The following ADAM32 variants were observed in gnomAD, a reference collection of about 807,000 sequenced individuals.
ADAM32 encodes ADAM metallopeptidase domain 32.
In ADAM32, 89 loss-of-function variants were observed where a neutral mutation model predicts 114.9. That is an observed-to-expected ratio of 0.77 (90% CI 0.65 to 0.92). The LOEUF is 0.92. Among genes scored for constraint, ADAM32 ranks in the 40% least tolerant of loss-of-function variants. ADAM32 has a pLI of 0.00. For missense variants in ADAM32, 870 were observed against 932.8 expected (o/e 0.93, Z 0.88); for synonymous variants, 285 against 307.5 (o/e 0.93, Z 0.77).
chr8:39,108,865 T>G (rs1840036170), intron 1 of ADAM32, among the ~76,000 whole-genome samples: 1 of 152,136 alleles, frequency 6.6e-6, no homozygotes, highest in African/African-American at 2.4e-5. Context: ...ACCTTCTCCC[T>G]GCGTACTCAC....
At chr8:39,130,537 C>G (rs2129444795) in intron 2 of ADAM32, among the ~76,000 whole-genome samples, 1 of 152,150 alleles carries the variant, frequency 6.6e-6, no homozygotes, top group South Asian at 2.1e-4. Context: ...TACCTAAAGC[C>G]ACACATTTCT....
intron 3 of ADAM32, among the ~76,000 whole-genome samples, chr8:39,138,525 A>G (rs1802947378): frequency 6.6e-6 from 1 of 152,212 alleles, no homozygotes; most frequent in Non-Finnish European, 1.5e-5. Flanking sequence ...ATGGCTGCAT[A>G]GTATTCCATG....
At chr8:39,124,429 T>A (rs200533553) in intron 2 of ADAM32, among the ~76,000 whole-genome samples, 1 of 120,016 alleles carries the variant, frequency 8.3e-6, no homozygotes, top group Non-Finnish European at 1.8e-5. Context: ...TTTTTTTTTT[T>A]ATTTTTGAGA....
Position 39,246,125 on chromosome 8 carries a change from G to T in ADAM32, c.1861G>T (p.Ala621Ser), listed in dbSNP as rs762334521. The T allele has an allele frequency of 5.0e-6, 8 of 1,613,466 alleles. No homozygotes were observed. In the African/African-American group the frequency reaches 6.7e-5, roughly 13 times the overall value. Residue 621 changes from alanine to serine, a missense_variant, in exon 17 of 25, where the codon GCT (alanine) becomes TCT (serine). Physicochemically the swap from Ala to Ser is moderately conservative, Grantham distance 99. Coordinates refer to ENST00000379907, the MANE Select transcript of ADAM32 (RefSeq NM_145004.7). ...RECVESRIIK[A>S]SAHVCSQQCS... Reference sequence around the variant, plus strand: ...ATGTGTAGAATCAAGGATAATTAAGGCTTCAGCACATGTTTGTTCACAACA... The same window carrying T: ...ATGTGTAGAATCAAGGATAATTAAGTCTTCAGCACATGTTTGTTCACAACA...
chr8:39,121,295 A>T (rs1007766893), intron 2 of ADAM32, among the ~76,000 whole-genome samples: 1 of 152,178 alleles, frequency 6.6e-6, no homozygotes, highest in Non-Finnish European at 1.5e-5. Context: ...AGGCTGTTTA[A>T]CTTCTGGGAT....
Position 39,167,556 on chromosome 8 carries a change from A to T in ADAM32, c.833+2360A>T, listed in dbSNP as rs1013038289. The T allele has an allele frequency of 3.3e-5, 5 of 151,466 alleles. 1 individual carries two copies. The highest frequency in any genetic ancestry group is 2.6e-4 in the Admixed American group (4 of 15,198). 9.4% of individuals were successfully genotyped at this position (151,466 alleles called of 1,614,324 possible). The stretch of plus-strand genomic sequence containing the variant: ...TTTTAGGTTCCATATGAATTTTAGA[A>T]TTTTTTTTCTAATTCTGTGAAGAAT... On this transcript the variant is annotated intron_variant, in intron 9 of 24. Transcript: ENST00000379907.
intron 2 of ADAM32, among the ~76,000 whole-genome samples, chr8:39,120,403 T>G (rs1362059526): frequency 6.6e-6 from 1 of 152,116 alleles, no homozygotes; most frequent in African/African-American, 2.4e-5. Context: ...GAGAAAGCTT[T>G]TATCGTCTTA....
chr8:39,154,191 C>T (rs1332949188), intron 6 of ADAM32, among the ~76,000 whole-genome samples: 1 of 151,884 alleles, frequency 6.6e-6, no homozygotes, highest in Non-Finnish European at 1.5e-5. Context: ...CCTCCCCTAC[C>T]CCCCATCTCC....
At chr8:39,107,943 T>A (rs1839995390) in intron 1 of ADAM32, 110 bp downstream of exon 1, 1 of 1,361,726 alleles carries the variant, frequency 7.3e-7, no homozygotes, top group Admixed American at 3.2e-5. Context: ...CCTGTCACCC[T>A]GGCAACGGGG....
At chr8:39,181,147 C>T (rs962277422) in intron 10 of ADAM32, among the ~76,000 whole-genome samples, 4 of 152,242 alleles carry the variant, frequency 2.6e-5, no homozygotes, top group Non-Finnish European at 4.4e-5. Context: ...CTTTTCCACA[C>T]TGTGGAAGCT....
intron 16 of ADAM32, among the ~76,000 whole-genome samples, chr8:39,243,314 A>G (rs1257242432): frequency 6.6e-6 from 1 of 152,192 alleles, no homozygotes. Context: ...TATCAAAACC[A>G]GGAAACGAAA....
At chr8:39,226,034 A>G (rs1467110796) in intron 14 of ADAM32, among the ~76,000 whole-genome samples, 1 of 152,200 alleles carries the variant, frequency 6.6e-6, no homozygotes, top group African/African-American at 2.4e-5. Context: ...ACACAGAGAA[A>G]CAACATACAT....
intron 15 of ADAM32, among the ~76,000 whole-genome samples, chr8:39,232,540 A>C (rs1374773162): frequency 3.9e-5 from 6 of 152,120 alleles, no homozygotes. Flanking sequence ...TTTTTACAAA[A>C]CATCTCTTAG....
intron 2 of ADAM32, among the ~76,000 whole-genome samples, chr8:39,125,997 C>A (rs1294493084): frequency 1.3e-5 from 2 of 152,092 alleles, no homozygotes; most frequent in African/African-American, 4.8e-5. Flanking sequence ...TTTCTGAGTT[C>A]TCTATTCTGT....
chr8:39,179,145 A>G (rs1041369718), intron 10 of ADAM32, among the ~76,000 whole-genome samples: 1 of 152,082 alleles, frequency 6.6e-6, no homozygotes, highest in African/African-American at 2.4e-5. Flanking sequence ...GCTGAACCAC[A>G]GAGACTATGG....
At chr8:39,177,043 AT>A (rs1167842250) in intron 10 of ADAM32, among the ~76,000 whole-genome samples, 1 of 146,056 alleles carries the variant, frequency 6.8e-6, no homozygotes, top group Non-Finnish European at 1.5e-5. Flanking sequence ...TGCTTGGTAA[AT>A]TTTTCTTCAT....
intron 13 of ADAM32, 133 bp from the exon 14 acceptor site, chr8:39,222,907 T>C (rs1272598674): frequency 1.6e-6 from 1 of 615,674 alleles, no homozygotes. Flanking sequence ...GCATAGTAAT[T>C]TGTACAAAAA....
At chr8:39,277,268 A>G (rs1221344951) in intron 22 of ADAM32, among the ~76,000 whole-genome samples, 1 of 152,232 alleles carries the variant, frequency 6.6e-6, no homozygotes, top group Non-Finnish European at 1.5e-5. Context: ...GACATCGTTT[A>G]ATTTGCAATG....
chr8:39,163,608 C>T (rs1006720405), intron 7 of ADAM32, among the ~76,000 whole-genome samples: 11 of 152,128 alleles, frequency 7.2e-5, no homozygotes, highest in African/African-American at 1.7e-4. Context: ...TTGATTTATT[C>T]GTTTACTTAA....
Sources: allele counts gnomAD v4.1 joint callset (sites outside exome capture counted in the v4.1 genomes callset), GRCh38; gene constraint gnomAD v4.1.1; transcripts MANE v1.5; gene names NCBI Gene and HGNC (gene_info 2026-07-23, HGNC 2026-07-21).